Variants in ROPN1B observed in about 807,000 individuals in gnomAD.
ROPN1B encodes rhophilin associated tail protein 1B, also known as ropporin-1B.
ROPN1B carries 13 observed loss-of-function variants against 23.7 expected under a neutral mutation model. That is an observed-to-expected ratio of 0.55 (90% CI 0.36 to 0.87). The LOEUF is 0.87. ROPN1B is among the 40% of genes least tolerant of loss of function. ROPN1B has a pLI of 0.01. For missense variants in ROPN1B, 183 were observed against 249.2 expected, an observed-to-expected ratio of 0.73 and a Z score of 1.79; for synonymous variants, 67 against 100.4, an observed-to-expected ratio of 0.67 and a Z score of 1.99.
intron 2 of ROPN1B, among the ~76,000 whole-genome samples, chr3:125,971,817 A>G (rs1938215966): frequency 2.0e-5 from 3 of 152,246 alleles, no homozygotes; most frequent in Admixed American, 1.3e-4. Flanking sequence ...TTTTAAATAA[A>G]AAAGGACTGT....
chr3:125,982,541 GGAACA>G lies in ROPN1B; in HGVS notation c.572+100_572+104del, dbSNP rs145350025. The G allele has an allele frequency of 1.2e-3, 1,238 of 1,031,854 alleles. 9 individuals carry two copies. The African/African-American group carries it at 0.018, about 15-fold the overall frequency. The allele number at this position is 1,031,854 out of a possible 1,614,324, so 63.9% of individuals were successfully genotyped here. ...GAGATTATTGTATTATACTGCTCTG[GGAACA>G]GAAAAGTGAGGACATGAAATATCGA... On this transcript the variant is annotated intron_variant, in intron 6 of 6. Transcript: ENST00000514116.
At chr3:125,971,025 C>CGGGTCT in intron 1 of ROPN1B, 92 bp from the exon 2 acceptor site, 1 of 153,722 alleles carries the variant, frequency 6.5e-6, no homozygotes, top group Non-Finnish European at 1.5e-5. Flanking sequence ...AGTCCCTGGG[C>CGGGTCT]GGGTCTCAAG....
At chr3:125,981,106 A>G (rs11709801) in intron 5 of ROPN1B, among the ~76,000 whole-genome samples, 12 of 152,048 alleles carry the variant, frequency 7.9e-5, no homozygotes, top group Non-Finnish European at 1.5e-4. Context: ...GTAAAGAAAC[A>G]AATTTTAAAT....
At position 125,972,175 on chromosome 3, in the gene ROPN1B, G is replaced by T. The variant is rs780625374; in HGVS notation, c.116+5G>T. ...CCTCATCCAGTGGGGGGCCGAGTAC[G>T]TGCTCCTTTCTCGCCTTCATCTCTT... On this transcript the variant is annotated splice_donor_5th_base_variant and intron_variant, in intron 3 of 6. Transcript: ENST00000514116. 1 of 1,614,050 alleles carries T rather than the reference G, an allele frequency of 6.2e-7. No homozygotes were observed. The highest frequency in any genetic ancestry group is 8.5e-7 in the Non-Finnish European group (1 of 1,179,888).
intron 3 of ROPN1B, among the ~76,000 whole-genome samples, chr3:125,975,160 C>A (rs1369771588): frequency 6.6e-6 from 1 of 152,160 alleles, no homozygotes; most frequent in Non-Finnish European, 1.5e-5. Context: ...CCCTTTCTTA[C>A]GTACATTACT....
At position 125,983,278 on chromosome 3, in the gene ROPN1B, G is replaced by A. The variant is rs368187381; in HGVS notation, c.597G>A (p.Thr199=). The A allele has an allele frequency of 6.1e-5, 99 of 1,613,420 alleles. No individual in the cohort carries two copies. The highest frequency in any genetic ancestry group is 1.8e-4 in the East Asian group (8 of 44,886). The change falls in exon 7 of 7, where the codon ACG becomes ACA. Residue 199 remains threonine (T), a synonymous_variant. Coordinates refer to ENST00000514116, the MANE Select transcript of ROPN1B (RefSeq NM_001308313.2). The part of the protein sequence containing the change: ...QEVIGPDGLI[T]VNDFTQNPRV... ...GAATTGGTCCTGATGGTTTAATCACGGTGAATGACTTTACCCAAAACCCCA... is the reference window on the plus strand; with the variant it reads ...GAATTGGTCCTGATGGTTTAATCACAGTGAATGACTTTACCCAAAACCCCA...
At position 125,982,370 on chromosome 3, in the gene ROPN1B, C is replaced by T. The variant is rs759847011; in HGVS notation, c.497C>T (p.Thr166Met). The stretch of plus-strand genomic sequence containing the variant: ...TTCAGCACCTTCCAGTTTCTCTACA[C>T]GTATATTGCCGAAGTGGATGGGGAG... ...IPFSTFQFLYTYIAEVDGEIC... is the reference protein window; with the variant it reads ...IPFSTFQFLYMYIAEVDGEIC... Residue 166 changes from threonine to methionine, a missense_variant, in exon 6 of 7, where the codon ACG becomes ATG. Thr to Met is a moderately conservative substitution (Grantham distance 81). Transcript: ENST00000514116. 8.7e-6 allele frequency: 14 copies of T among 1,613,238 alleles called. No individual in the cohort carries two copies. Among genetic ancestry groups the T allele is most frequent in the East Asian group, 2.2e-5 (1 of 44,868 alleles).
At chr3:125,979,547 G>C (rs1432605289) in intron 5 of ROPN1B, among the ~76,000 whole-genome samples, 1 of 152,174 alleles carries the variant, frequency 6.6e-6, no homozygotes, top group Non-Finnish European at 1.5e-5. Flanking sequence ...GAGCAAATCT[G>C]CTGGCACCTT....
At chr3:125,974,471 T>A (rs1270582025) in intron 3 of ROPN1B, among the ~76,000 whole-genome samples, 1 of 152,102 alleles carries the variant, frequency 6.6e-6, no homozygotes, top group African/African-American at 2.4e-5. Context: ...TTTACAAAAT[T>A]CCCTCTATAT....
intron 5 of ROPN1B, among the ~76,000 whole-genome samples, chr3:125,978,353 A>C (rs1343629053): frequency 1.3e-5 from 2 of 152,214 alleles, no homozygotes; most frequent in Non-Finnish European, 2.9e-5. Context: ...ATGTACCTTT[A>C]AAATTTTATC....
intron 3 of ROPN1B, chr3:125,972,909 C>A (rs921488410): frequency 1.1e-5 from 4 of 359,654 alleles, no homozygotes; most frequent in African/African-American, 2.2e-5. Context: ...CCAGAGGCTG[C>A]TCAGTAGATG....
At chr3:125,981,291 G>A (rs1938604250) in intron 5 of ROPN1B, among the ~76,000 whole-genome samples, 1 of 152,194 alleles carries the variant, frequency 6.6e-6, no homozygotes, top group Admixed American at 6.5e-5. Context: ...CAATCATTCT[G>A]TTCTGGGAGA....
At chr3:125,973,810 T>A (rs912898205) in intron 3 of ROPN1B, 5 of 152,368 alleles carry the variant, frequency 3.3e-5, no homozygotes, top group Admixed American at 2.6e-4. Flanking sequence ...TTAAAACCTG[T>A]AGCATTTTAG....
intron 3 of ROPN1B, among the ~76,000 whole-genome samples, chr3:125,975,331 G>A (rs1239948514): frequency 1.3e-5 from 2 of 152,172 alleles, no homozygotes; most frequent in Admixed American, 1.3e-4. Flanking sequence ...CTCATCCTTA[G>A]AGAAGAACAA....
intron 3 of ROPN1B, 51 bp downstream of exon 3, chr3:125,972,221 G>C (rs900023675): frequency 6.3e-7 from 1 of 1,595,026 alleles, no homozygotes; most frequent in Admixed American, 1.7e-5. Context: ...CGGGGAGAGA[G>C]GGTCCTGTAA....
Position 125,972,061 on chromosome 3 carries a change from C to A in ROPN1B, c.7C>A (p.Gln3Lys). The change falls in exon 3 of 7, where the codon CAG becomes AAG. Residue 3 changes from glutamine to lysine, a missense_variant. This residue lies in a region of ROPN1B where 97 missense variants were observed against 99.6 expected (regional missense o/e 0.97). Transcript: ENST00000514116. The part of the protein sequence containing the change: MA[Q>K]TDKPTCIPPE... ...AGAATAGGTCAACCAATCAATGGCT[C>A]AGACAGATAAGCCAACATGCATCCC... is the stretch of plus-strand genomic sequence containing the variant. The A allele has an allele frequency of 6.2e-7, 1 of 1,614,124 alleles. No individual in the cohort carries two copies. The highest frequency in any genetic ancestry group is 8.5e-7 in the Non-Finnish European group (1 of 1,179,986).
intron 4 of ROPN1B, 151 bp downstream of exon 4, chr3:125,975,831 C>T: frequency 1.5e-6 from 1 of 655,264 alleles, no homozygotes; most frequent in Non-Finnish European, 2.4e-6. Context: ...GTAAATCTTC[C>T]CTTGGGGAAA....
In ROPN1B at chr3:125,975,623, C is replaced by T. The variant is rs541348602; in HGVS notation, c.177C>T (p.Val59=). 1.4e-5 allele frequency: 22 copies of T among 1,614,056 alleles called. No individual in the cohort carries two copies. The highest frequency in any genetic ancestry group is 1.2e-4 in the African/African-American group (9 of 75,006). The change falls in exon 4 of 7, where the codon GTC becomes GTT. Residue 59 remains valine (V), a synonymous_variant. Coordinates refer to ENST00000514116, the MANE Select transcript of ROPN1B (RefSeq NM_001308313.2). ...TPPVRERSER[V]ALCNWAELTP... ...CGGTGAGAGAGCGGTCTGAGCGAGT[C>T]GCTTTGTGTAACTGGGCAGAGCTAA...
At position 125,979,893 on chromosome 3, in the gene ROPN1B, C is replaced by T. The variant is rs147139953; in HGVS notation, c.397-2377C>T. ...CGTCGAATACACATTATTCAGAATG[C>T]GATGGCACACAGACCTGTATTCCTC... On this transcript the variant is annotated intron_variant, in intron 5 of 6. Coordinates refer to ENST00000514116, the MANE Select transcript of ROPN1B (RefSeq NM_001308313.2). Among the ~76,000 whole-genome samples, 48 of 152,320 alleles carry T rather than the reference C, an allele frequency of 3.2e-4. No homozygotes were observed. In the South Asian group the frequency reaches 3.9e-3, roughly 12 times the overall value.
Sources: allele counts gnomAD v4.1 joint callset (sites outside exome capture counted in the v4.1 genomes callset), GRCh38; gene constraint gnomAD v4.1.1; regional missense constraint gnomAD v4.1.1; transcripts MANE v1.5; gene names NCBI Gene and HGNC (gene_info 2026-07-23, HGNC 2026-07-21).